Variants in SCAND3 observed in about 807,000 individuals in gnomAD.
SCAND3 encodes the protein SCAN domain containing 3, also known as SCAN domain-containing protein 3.
chr6:28,573,144 A>C, the SCAND3 span: 6 of 1,612,854 alleles, frequency 3.7e-6, no homozygotes, highest in Non-Finnish European at 4.2e-6. Context: ...CATAGACTAA[A>C]AGAATTATCA....
the SCAND3 span, chr6:28,575,752 A>G: frequency 3.7e-6 from 6 of 1,614,158 alleles, no homozygotes; most frequent in South Asian, 3.3e-5. This position sits in a 1 kb window ranked among gnomAD's most constrained non-coding sequence, Gnocchi z 4.2. Context: ...ACCATGTCCA[A>G]TGCTGAGATG....
At chr6:28,613,051 ATAT>A in the SCAND3 span, among the ~76,000 whole-genome samples, 1 of 152,176 alleles carries the variant, frequency 6.6e-6, no homozygotes, top group African/African-American at 2.4e-5. Context: ...AATTGACTAG[ATAT>A]TATAAAATTT....
the SCAND3 span, among the ~76,000 whole-genome samples, chr6:28,615,745 CCTT>C: frequency 6.6e-6 from 1 of 152,094 alleles, no homozygotes; most frequent in East Asian, 1.9e-4. Context: ...TGGCATAGGA[CCTT>C]CTTCTCGTCC....
the SCAND3 span, chr6:28,574,581 T>C: frequency 7.1e-7 from 1 of 1,401,882 alleles, no homozygotes; most frequent in East Asian, 2.3e-5. Context: ...ACAACACTTA[T>C]TCACAGTACA....
chr6:28,574,254 C>T, the SCAND3 span, among the ~76,000 whole-genome samples: 2 of 152,066 alleles, frequency 1.3e-5, no homozygotes, highest in Non-Finnish European at 2.9e-5. Flanking sequence ...AGTTTTTATA[C>T]CAGTACTGCT....
At chr6:28,577,935 T>A in the SCAND3 span, among the ~76,000 whole-genome samples, 3 of 152,240 alleles carry the variant, frequency 2.0e-5, no homozygotes, top group African/African-American at 7.2e-5. Context: ...ACGTATTGAT[T>A]TATGACTTTG....
the SCAND3 span, chr6:28,579,491 T>C: frequency 1.7e-5 from 22 of 1,321,620 alleles, no homozygotes; most frequent in Non-Finnish European, 2.2e-5. The surrounding 1 kb of genome is among the most constrained non-coding windows in gnomAD (Gnocchi z 4.5). Flanking sequence ...CTTGTATTCT[T>C]CCACTAAAAT....
chr6:28,571,781 C>T, the SCAND3 span: 1 of 1,164,336 alleles, frequency 8.6e-7, no homozygotes, highest in Non-Finnish European at 1.1e-6. Flanking sequence ...ATTGCTGTTT[C>T]ACTCATAACT....
the SCAND3 span, among the ~76,000 whole-genome samples, chr6:28,600,764 G>A: frequency 6.6e-6 from 1 of 151,946 alleles, no homozygotes; most frequent in Non-Finnish European, 1.5e-5. Flanking sequence ...AATTGAACAC[G>A]GACTAGGTAT....
the SCAND3 span, chr6:28,579,282 A>C: frequency 1.2e-6 from 2 of 1,613,180 alleles, no homozygotes; most frequent in East Asian, 2.2e-5. The surrounding 1 kb of genome is among the most constrained non-coding windows in gnomAD (Gnocchi z 4.5). Flanking sequence ...CATTATCTTG[A>C]AGTGGGTGTG....
chr6:28,571,754 G>A, the SCAND3 span: 2 of 759,834 alleles, frequency 2.6e-6, no homozygotes, highest in Non-Finnish European at 3.9e-6. Context: ...TATACATATA[G>A]GCAATTTATA....
the SCAND3 span, chr6:28,591,668 C>A: frequency 6.6e-6 from 1 of 152,084 alleles, no homozygotes; most frequent in African/African-American, 2.4e-5. Flanking sequence ...CCCAGCTGTC[C>A]CTGATGTATT....
chr6:28,612,317 C>T, the SCAND3 span, among the ~76,000 whole-genome samples: 3 of 152,052 alleles, frequency 2.0e-5, no homozygotes, highest in Admixed American at 6.6e-5. Context: ...GGATTACAGG[C>T]GTGAGCCACT....
chr6:28,598,240 G>A, the SCAND3 span, among the ~76,000 whole-genome samples: 1 of 152,054 alleles, frequency 6.6e-6, no homozygotes. Flanking sequence ...AGGAAGAAGC[G>A]GACTTTGGCA....
chr6:28,608,310 A>G, the SCAND3 span, among the ~76,000 whole-genome samples: 1 of 152,214 alleles, frequency 6.6e-6, no homozygotes, highest in African/African-American at 2.4e-5. Flanking sequence ...TGTGGAGACC[A>G]GAGGTCTGAG....
chr6:28,588,539 C>T, the SCAND3 span, among the ~76,000 whole-genome samples: 1 of 152,190 alleles, frequency 6.6e-6, no homozygotes, highest in Admixed American at 6.5e-5. The surrounding 1 kb of genome is among the most constrained non-coding windows in gnomAD (Gnocchi z 4.1). Context: ...TCCTCAGTTC[C>T]ATTCCTCAGA....
At chr6:28,591,946 A>G in the SCAND3 span, among the ~76,000 whole-genome samples, 3 of 152,210 alleles carry the variant, frequency 2.0e-5, no homozygotes, top group African/African-American at 7.2e-5. Flanking sequence ...CAGACTTTAA[A>G]ATCTGTCCAT....
the SCAND3 span, chr6:28,597,632 GAT>G: frequency 6.6e-6 from 1 of 152,192 alleles, no homozygotes; most frequent in Non-Finnish European, 1.5e-5. Flanking sequence ...CAAACGAACA[GAT>G]AAAAACAGTA....
At chr6:28,597,456 C>T in the SCAND3 span, among the ~76,000 whole-genome samples, 4 of 151,948 alleles carry the variant, frequency 2.6e-5, no homozygotes, top group South Asian at 2.1e-4. Context: ...TTTCTTCCTC[C>T]GCACAGTTAG....
Sources: gnomAD v4.1 joint callset for allele counts (sites outside exome capture counted in the v4.1 genomes callset) on GRCh38, gnomAD v4.1.1 for gene constraint, Gnocchi (gnomAD v3.1) non-coding constraint, MANE v1.5 for transcripts, NCBI Gene and HGNC (gene_info 2026-07-23, HGNC 2026-07-21) for gene names.